SLIT3: variants seen among roughly 807,000 people sequenced by gnomAD.
SLIT3 encodes the protein slit homolog 3 protein.
SLIT3 carries 68 observed loss-of-function variants against 184.0 expected under a neutral mutation model. That is an observed-to-expected ratio of 0.37 (90% CI 0.30 to 0.45). The LOEUF is 0.45. SLIT3 is among the 20% of genes least tolerant of loss of function. The pLI, the probability that SLIT3 is intolerant of heterozygous loss-of-function variation, is 1.00. For synonymous variants in SLIT3, 831 were observed against 828.6 expected (o/e 1.00, Z -0.05); for missense variants, 1,707 against 2,026.0 (o/e 0.84, Z 3.02).
In SLIT3 at chr5:168,666,575, GGCCCACA is replaced by G. The variant is rs1561863541; in HGVS notation, c.4444_4450del (p.Cys1482ProfsTer25). The G allele has an allele frequency of 6.2e-7, 1 of 1,614,140 alleles. No homozygotes were observed. The highest frequency in any genetic ancestry group is 1.7e-5 in the Admixed American group (1 of 60,020). On this transcript the variant is annotated frameshift_variant, in exon 36 of 36. Transcript: ENST00000519560. LOFTEE classifies it high-confidence loss of function. ...GCTGCGGGTGGGCTGGCAGCACTGGGGCCCACAGCCCCCACGACATTCCATGATGGGC... is the reference window on the plus strand; with the variant it reads ...GCTGCGGGTGGGCTGGCAGCACTGGGGCCCCCACGACATTCCATGATGGGC...
chr5:169,159,602 C>T lies in SLIT3; in HGVS notation c.413+33877G>A, dbSNP rs769249156. Reference sequence around the variant, plus strand: ...CACCCTGGCTAACATGGTGAAACCCCGTCTCTACTAAAAATACACAAAAAT... The same window carrying T: ...CACCCTGGCTAACATGGTGAAACCCTGTCTCTACTAAAAATACACAAAAAT... On this transcript the variant is annotated intron_variant, in intron 4 of 35. Coordinates refer to ENST00000519560, the MANE Select transcript of SLIT3 (RefSeq NM_003062.4). 2.6e-5 allele frequency among the ~76,000 whole-genome samples: 4 copies of T among 151,262 alleles called. 1 individual carries two copies. Among genetic ancestry groups the T allele is most frequent in the East Asian group, 2.0e-4 (1 of 5,098 alleles).
chr5:169,167,999 C>T (rs297823), intron 4 of SLIT3, among the ~76,000 whole-genome samples: 35,963 of 152,230 alleles, frequency 0.24, 4,836 homozygotes, highest in Middle Eastern at 0.35. Context: ...ATTTCCTAGC[C>T]TGTCCACTCT....
At chr5:168,957,436 C>CCAAAGTGACTCAGA (rs1289392596) in intron 4 of SLIT3, among the ~76,000 whole-genome samples, 1 of 152,114 alleles carries the variant, frequency 6.6e-6, no homozygotes, top group Non-Finnish European at 1.5e-5. Flanking sequence ...GTCTTGTAGA[C>CCAAAGTGACTCAGA]CAAAGTGACT....
chr5:168,888,312 C>T (rs1227902100), intron 4 of SLIT3, among the ~76,000 whole-genome samples: 1 of 152,216 alleles, frequency 6.6e-6, no homozygotes, highest in Non-Finnish European at 1.5e-5. Context: ...ATGTAAACTC[C>T]CAGGCTCTGC....
At chr5:168,741,618 T>C (rs560841141) in intron 20 of SLIT3, among the ~76,000 whole-genome samples, 1 of 152,026 alleles carries the variant, frequency 6.6e-6, no homozygotes, top group Non-Finnish European at 1.5e-5. Flanking sequence ...GAGCTCTTGG[T>C]CTAGAAGGGG....
intron 4 of SLIT3, among the ~76,000 whole-genome samples, chr5:169,187,575 G>A (rs1002907994): frequency 5.1e-5 from 5 of 98,054 alleles, no homozygotes; most frequent in African/African-American, 1.8e-4. Flanking sequence ...TTTTTTTTTT[G>A]AGACAGTCTC....
chr5:169,139,776 T>C (rs1761655220), intron 4 of SLIT3, among the ~76,000 whole-genome samples: 2 of 152,208 alleles, frequency 1.3e-5, no homozygotes, highest in South Asian at 4.1e-4. Flanking sequence ...GGGACTCCTT[T>C]TCCACTCTTG....
At chr5:168,841,699 G>A (rs1348593373) in intron 6 of SLIT3, among the ~76,000 whole-genome samples, 2 of 152,144 alleles carry the variant, frequency 1.3e-5, no homozygotes, top group African/African-American at 2.4e-5. Context: ...AAGTTTTATG[G>A]TATTTCCATC....
At chr5:168,695,444 T>C (rs1257313548) in intron 28 of SLIT3, among the ~76,000 whole-genome samples, 1 of 152,186 alleles carries the variant, frequency 6.6e-6, no homozygotes, top group African/African-American at 2.4e-5. Context: ...ATTTGTATCA[T>C]GGTACACCAA....
intron 23 of SLIT3, among the ~76,000 whole-genome samples, chr5:168,718,379 C>T (rs962272007): frequency 5.9e-5 from 9 of 152,052 alleles, no homozygotes; most frequent in African/African-American, 1.7e-4. Context: ...CTGGCTCCTT[C>T]GTGAGCACAC....
Position 168,841,119 on chromosome 5 carries a change from C to T in SLIT3, c.557+3465G>A, listed in dbSNP as rs530333559. On this transcript the variant is annotated intron_variant, in intron 6 of 35. Coordinates refer to ENST00000519560, the MANE Select transcript of SLIT3 (RefSeq NM_003062.4). ...CACACCACCCTGCAGCCCACAGCCG[C>T]CATGCTTCAGGGCAGCCAAACACCA... Among the ~76,000 whole-genome samples the T allele has an allele frequency of 1.2e-3, 183 of 152,356 alleles. 1 individual carries two copies. Among genetic ancestry groups the T allele is most frequent in the South Asian group, 6.6e-3 (32 of 4,826 alleles).
At chr5:169,078,773 A>C (rs960076228) in intron 4 of SLIT3, among the ~76,000 whole-genome samples, 2 of 152,248 alleles carry the variant, frequency 1.3e-5, no homozygotes, top group Admixed American at 6.5e-5. Flanking sequence ...ATATTTATTG[A>C]ACACTGATGG....
chr5:169,010,330 A>G (rs1561605019), intron 4 of SLIT3, among the ~76,000 whole-genome samples: 1 of 152,108 alleles, frequency 6.6e-6, no homozygotes, highest in Non-Finnish European at 1.5e-5. Flanking sequence ...CTTTATTTTA[A>G]TGTTGCCCAA....
chr5:168,950,345 T>A (rs987286607), intron 4 of SLIT3, among the ~76,000 whole-genome samples: 1 of 152,204 alleles, frequency 6.6e-6, no homozygotes, highest in Non-Finnish European at 1.5e-5. Flanking sequence ...TCTGAAGTTC[T>A]AAGTCACCCA....
chr5:169,153,348 T>C (rs1762189904), intron 4 of SLIT3, among the ~76,000 whole-genome samples: 2 of 152,142 alleles, frequency 1.3e-5, no homozygotes, highest in Admixed American at 6.6e-5. Flanking sequence ...AACTGCCATG[T>C]GCACTCTTCA....
intron 14 of SLIT3, among the ~76,000 whole-genome samples, chr5:168,763,468 G>T (rs1755228981): frequency 6.6e-6 from 1 of 152,188 alleles, no homozygotes; most frequent in South Asian, 2.1e-4. Context: ...CTGAGGGTCA[G>T]ATTTGGCCTC....
chr5:168,746,460 TGGTGTGCGGTGGTGTGG>T (rs1763822487), intron 20 of SLIT3, among the ~76,000 whole-genome samples: 1 of 66,200 alleles, frequency 1.5e-5, no homozygotes, highest in Non-Finnish European at 2.9e-5. Context: ...CAGTGTGTGG[TGGTGTGCGGTGGTGTGG>T]GTGTGGTGGT....
chr5:168,817,492 A>T, intron 7 of SLIT3, 29 bp from the exon 8 acceptor site: 5 of 1,577,828 alleles, frequency 3.2e-6, no homozygotes, highest in Non-Finnish European at 4.3e-6. Context: ...GAGAGAAGGC[A>T]TGGTCACAGG....
intron 16 of SLIT3, among the ~76,000 whole-genome samples, chr5:168,755,403 T>TTCTTTCTCTCTCTC (rs1754872692): frequency 5.1e-5 from 1 of 19,444 alleles, no homozygotes; most frequent in Admixed American, 4.5e-4. Flanking sequence ...CTTTCTTTCT[T>TTCTTTCTCTCTCTC]TCTTTCTTTC....
Sources: allele counts gnomAD v4.1 joint callset (sites outside exome capture counted in the v4.1 genomes callset), GRCh38; gene constraint gnomAD v4.1.1; transcripts MANE v1.5; gene names NCBI Gene and HGNC (gene_info 2026-07-23, HGNC 2026-07-21).